Variants in DIAPH1 observed in about 807,000 individuals in gnomAD.
DIAPH1 encodes the protein diaphanous related formin 1.
A neutral mutation model predicts 140.7 loss-of-function variants in DIAPH1; 46 were observed. That is an observed-to-expected ratio of 0.33 (90% confidence interval 0.26 to 0.42). DIAPH1 has a LOEUF of 0.42. DIAPH1 is among the 10% of genes least tolerant of loss of function. DIAPH1 has a pLI of 1.00. For missense variants in DIAPH1, 1,310 were observed against 1,558.7 expected, an observed-to-expected ratio of 0.84 and a Z score of 2.69; for synonymous variants, 565 against 551.6, an observed-to-expected ratio of 1.02 and a Z score of -0.34.
At chr5:141,537,350 G>T (rs901802733) in intron 18 of DIAPH1, among the ~76,000 whole-genome samples, 5 of 151,882 alleles carry the variant, frequency 3.3e-5, no homozygotes, top group Admixed American at 2.0e-4. Context: ...GGGTGTGGTG[G>T]CACATGCCTG....
rs1245184530 is a variant in DIAPH1 at position 141,578,317 on chromosome 5, A to T, written c.1071T>A (p.Asp357Glu). Reference protein sequence around the residue: ...LQDLREIENEDMRVQLNVFDE... With the variant: ...LQDLREIENEEMRVQLNVFDE... Reference sequence around the variant, plus strand: ...CAAACACATTTAGTTGCACTCTCATATCTTCATTTTCAATCTCTCGAAGGT... The same window carrying T: ...CAAACACATTTAGTTGCACTCTCATTTCTTCATTTTCAATCTCTCGAAGGT... Residue 357 changes from aspartate to glutamate, a missense_variant, in exon 11 of 28, where the codon GAT becomes GAA. Coordinates refer to ENST00000389054, the MANE Select transcript of DIAPH1 (RefSeq NM_005219.5). 6.2e-7 allele frequency: 1 copy of T among 1,613,912 alleles called. No homozygotes were observed. Among genetic ancestry groups the T allele is most frequent in the Non-Finnish European group, 8.5e-7 (1 of 1,179,912 alleles).
chr5:141,594,467 C>T (rs925352086), intron 1 of DIAPH1, among the ~76,000 whole-genome samples: 4 of 152,222 alleles, frequency 2.6e-5, no homozygotes, highest in South Asian at 4.1e-4. Context: ...TATGGCCGGG[C>T]GCGGTAGCTC....
chr5:141,598,263 T>C (rs1406593180), intron 1 of DIAPH1, among the ~76,000 whole-genome samples: 1 of 152,216 alleles, frequency 6.6e-6, no homozygotes, highest in Non-Finnish European at 1.5e-5. Flanking sequence ...CAAAATATTT[T>C]TAAAGGGGCA....
chr5:141,583,704 T>A, intron 4 of DIAPH1, 89 bp from the exon 5 acceptor site: 1 of 1,541,350 alleles, frequency 6.5e-7, no homozygotes, highest in Non-Finnish European at 8.9e-7. Context: ...TATACTTTAT[T>A]TTTATTTTTT....
intron 16 of DIAPH1, 26 bp downstream of exon 16, chr5:141,573,466 G>T (rs1405001631): frequency 3.1e-6 from 5 of 1,595,244 alleles, no homozygotes; most frequent in Non-Finnish European, 4.3e-6. Context: ...AGATTGACTG[G>T]TGAAGAAATA....
intron 1 of DIAPH1, 65 bp downstream of exon 1, chr5:141,618,733 C>A (rs1041231207): frequency 4.3e-5 from 52 of 1,215,106 alleles, no homozygotes; most frequent in Non-Finnish European, 5.7e-5. Context: ...GCCCCAGGGG[C>A]CGGCTGCAGG....
intron 18 of DIAPH1, among the ~76,000 whole-genome samples, chr5:141,538,221 T>C (rs7712601): frequency 0.67 from 101,707 of 150,744 alleles, 35,305 homozygotes; most frequent in African/African-American, 0.85. Flanking sequence ...CCACCACACT[T>C]GGCTAATTTT....
intron 1 of DIAPH1, among the ~76,000 whole-genome samples, chr5:141,610,491 G>A (rs558426202): frequency 4.5e-4 from 68 of 152,174 alleles, no homozygotes; most frequent in African/African-American, 1.6e-3. Context: ...AGTAGAGACG[G>A]GGTTTCACCA....
intron 1 of DIAPH1, among the ~76,000 whole-genome samples, chr5:141,599,460 C>A (rs1435228783): frequency 6.6e-6 from 1 of 152,182 alleles, no homozygotes; most frequent in South Asian, 2.1e-4. Context: ...TTGGTCCTTA[C>A]ACTCTGACGA....
At chr5:141,582,135 T>A in intron 7 of DIAPH1, 177 bp downstream of exon 7, 2 of 461,834 alleles carry the variant, frequency 4.3e-6, no homozygotes, top group Non-Finnish European at 7.9e-6. Context: ...AAGTTAGAAC[T>A]GAGAAAAAAA....
intron 1 of DIAPH1, among the ~76,000 whole-genome samples, chr5:141,600,659 T>TA (rs1451675141): frequency 2.0e-5 from 3 of 152,178 alleles, no homozygotes; most frequent in Non-Finnish European, 4.4e-5. Context: ...ATATACCTCT[T>TA]ACGACCACTG....
Position 141,530,474 on chromosome 5 carries a change from C to T in DIAPH1, c.2582-777G>A, listed in dbSNP as rs2154595030. ...TAGCCATTTCATTTCTCTACTCTGA[C>T]ACCTAGGCTGATGCGGACTGGAGTC... On this transcript the variant is annotated intron_variant, in intron 19 of 27. Transcript: ENST00000389054. Among the ~76,000 whole-genome samples, 2 of 152,308 alleles carry T rather than the reference C, an allele frequency of 1.3e-5. 1 individual carries two copies. The highest frequency in any genetic ancestry group is 4.1e-4 in the South Asian group (2 of 4,824).
rs533976657 is a variant in DIAPH1 at position 141,536,006 on chromosome 5, ACATTCACT to A, written c.2483-1581_2483-1574del. On this transcript the variant is annotated intron_variant, in intron 18 of 27. Coordinates refer to ENST00000389054, the MANE Select transcript of DIAPH1 (RefSeq NM_005219.5). Reference sequence around the variant, plus strand: ...CAAAAGGTACAAAGAACTATAAAACACATTCACTCTTGGCTGGGCACAGTGGCTCACAC... The same window carrying A: ...CAAAAGGTACAAAGAACTATAAAACACTTGGCTGGGCACAGTGGCTCACAC... The A allele has an allele frequency of 8.7e-4, 408 of 469,982 alleles. 1 individual carries two copies. Among genetic ancestry groups the A allele is most frequent in the African/African-American group, 7.6e-3 (380 of 50,070 alleles). The allele number at this position is 469,982 out of a possible 1,614,324, so 29.1% of individuals were successfully genotyped here.
At position 141,528,585 on chromosome 5, in the gene DIAPH1, T is replaced by C; in HGVS notation, c.3019-3A>G. ...TCTGTGGACTTGGTGTCTCGAAGCT[T>C]AGAGAAAGAGGAGAAACTGTTAAAT... On this transcript the variant is annotated splice_polypyrimidine_tract_variant and splice_region_variant and intron_variant, in intron 22 of 27. Transcript: ENST00000389054. The C allele has an allele frequency of 1.9e-6, 3 of 1,614,190 alleles. No homozygotes were observed. Among genetic ancestry groups the C allele is most frequent in the South Asian group, 1.1e-5 (1 of 91,086 alleles).
At chr5:141,585,882 A>C (rs1485583639) in intron 3 of DIAPH1, among the ~76,000 whole-genome samples, 1 of 152,240 alleles carries the variant, frequency 6.6e-6, no homozygotes. Flanking sequence ...GTTTTTAAAA[A>C]AATGACCTAA....
intron 18 of DIAPH1, 100 bp from the exon 19 acceptor site, chr5:141,534,533 T>TA (rs2099888723): frequency 1.1e-6 from 1 of 881,438 alleles, no homozygotes; most frequent in Non-Finnish European, 1.9e-6. Context: ...TCACTTCCTC[T>TA]CTATTATAAT....
At position 141,588,215 on chromosome 5, in the gene DIAPH1, T is replaced by C. The variant is rs1172675534; in HGVS notation, c.144+9A>G. On this transcript the variant is annotated intron_variant, in intron 2 of 27. Transcript: ENST00000389054. Reference sequence around the variant, plus strand: ...TAGAACATGCACATGCTAAACAAAATGTCCTTACCTCATCTGCCATGAGCC... The same window carrying C: ...TAGAACATGCACATGCTAAACAAAACGTCCTTACCTCATCTGCCATGAGCC... 1.2e-6 allele frequency: 2 copies of C among 1,609,852 alleles called. No homozygotes were observed. Among genetic ancestry groups the C allele is most frequent in the South Asian group, 1.1e-5 (1 of 90,938 alleles).
chr5:141,607,992 C>A (rs985698972), intron 1 of DIAPH1, among the ~76,000 whole-genome samples: 3 of 152,326 alleles, frequency 2.0e-5, no homozygotes, highest in Admixed American at 6.5e-5. Flanking sequence ...AAATAACTTG[C>A]TTAGAGTTCA....
chr5:141,594,087 G>A (rs559679506), intron 1 of DIAPH1, among the ~76,000 whole-genome samples: 6 of 152,176 alleles, frequency 3.9e-5, no homozygotes, highest in Admixed American at 2.0e-4. Context: ...GTGAGCCACC[G>A]CACCCAGCCG....
Sources: allele counts gnomAD v4.1 joint callset (sites outside exome capture counted in the v4.1 genomes callset), GRCh38; gene constraint gnomAD v4.1.1; transcripts MANE v1.5; gene names NCBI Gene and HGNC (gene_info 2026-07-23, HGNC 2026-07-21).